MRC1: variants seen among roughly 807,000 people sequenced by gnomAD.
The protein encoded by MRC1 is macrophage mannose receptor 1.
Under a neutral mutation model 102.9 loss-of-function variants are expected in MRC1, and 62 were observed. That is an observed-to-expected ratio of 0.60 (90% CI 0.49 to 0.74). MRC1 has a LOEUF of 0.74. Among genes scored for constraint, MRC1 ranks in the 30% least tolerant of loss-of-function variants. The pLI, the probability that MRC1 is intolerant of heterozygous loss-of-function variation, is 0.00. For missense variants in MRC1, 1,237 were observed against 862.8 expected (o/e 1.43, Z -5.43); for synonymous variants, 457 against 298.4 (o/e 1.53, Z -5.48).
In MRC1 at chr10:17,833,753, C is replaced by T. The variant is rs782240669; in HGVS notation, c.716C>T (p.Thr239Met). ...SYQINSKSAL[T>M]WHQARKSCQQ... ...CAGATAAACTCCAAATCCGCTTTAA[C>T]GTGGCACCAGGCGAGGAAAAGCTGC... is the stretch of plus-strand genomic sequence containing the variant. The change falls in exon 4 of 30, where the codon ACG (threonine) becomes ATG (methionine). Residue 239 changes from threonine (T) to methionine (M), a missense_variant. Thr to Met is a moderately conservative substitution (Grantham distance 81, BLOSUM62 -1). Coordinates refer to ENST00000569591, the MANE Select transcript of MRC1 (RefSeq NM_002438.4). The T allele has an allele frequency of 2.3e-5, 18 of 780,954 alleles. No homozygotes were observed. Among genetic ancestry groups the T allele is most frequent in the Admixed American group, 1.4e-4 (8 of 59,014 alleles). The allele number at this position is 780,954 out of a possible 1,614,324, so 48.4% of individuals were successfully genotyped here.
chr10:17,863,857 A>G (rs1204923530), intron 11 of MRC1, among the ~76,000 whole-genome samples, 175 bp downstream of exon 11: 1 of 151,684 alleles, frequency 6.6e-6, no homozygotes, highest in East Asian at 1.9e-4. Context: ...TTCTTTTCTA[A>G]AAGTTTCCCA....
chr10:17,827,265 C>A (rs1838490257), intron 2 of MRC1, among the ~76,000 whole-genome samples: 1 of 150,348 alleles, frequency 6.7e-6, no homozygotes, highest in Non-Finnish European at 1.5e-5. Context: ...TGAAAATGTC[C>A]CAAAACGCAG....
intron 25 of MRC1, among the ~76,000 whole-genome samples, chr10:17,901,175 T>A (rs1833823943): frequency 6.6e-6 from 1 of 152,296 alleles, no homozygotes; most frequent in African/African-American, 2.4e-5. Context: ...CTTTTGATGT[T>A]GACAACACAT....
Position 17,849,575 on chromosome 10 carries a change from C to A in MRC1, c.1064-4C>A. 1 of 773,480 alleles carries A rather than the reference C, an allele frequency of 1.3e-6. No homozygotes were observed. The highest frequency in any genetic ancestry group is 2.4e-6 in the Non-Finnish European group (1 of 415,420). The allele number at this position is 773,480 out of a possible 1,614,324, so 47.9% of individuals were successfully genotyped here. The stretch of plus-strand genomic sequence containing the variant: ...TTTTTTCCGACCCCCCTTTTTGTTT[C>A]TAGAAAGTGATGTGCCTACTCACTG... On this transcript the variant is annotated splice_polypyrimidine_tract_variant and splice_region_variant and intron_variant, in intron 6 of 29. Coordinates refer to ENST00000569591, the MANE Select transcript of MRC1 (RefSeq NM_002438.4).
At chr10:17,879,675 G>A in intron 18 of MRC1, 46 bp from the exon 19 acceptor site, 1 of 780,800 alleles carries the variant, frequency 1.3e-6, no homozygotes, top group East Asian at 2.4e-5. Context: ...TATCCAATTA[G>A]TCTAATGATT....
At chr10:17,820,310 A>G (rs1027892324) in intron 1 of MRC1, among the ~76,000 whole-genome samples, 1 of 150,820 alleles carries the variant, frequency 6.6e-6, no homozygotes, top group East Asian at 1.9e-4. Flanking sequence ...ATCCAGGAAG[A>G]CTCCTAGGTT....
rs924136965 is a variant in MRC1, at chr10:17,884,867, T to C, written c.2981-402T>C. On this transcript the variant is annotated intron_variant, in intron 21 of 29. Transcript: ENST00000569591. ...TCTGGGTTAAGAGTCCTTTGTCCCATAGTTATTATATAAATCAGATTATCT... is the reference window on the plus strand; with the variant it reads ...TCTGGGTTAAGAGTCCTTTGTCCCACAGTTATTATATAAATCAGATTATCT... Among the ~76,000 whole-genome samples, 449 of 152,342 alleles carry C rather than the reference T, an allele frequency of 2.9e-3. 9 individuals carry two copies. The East Asian group carries it at 0.052, about 18-fold the overall frequency.
chr10:17,831,382 A>G (rs1268371311), intron 3 of MRC1, among the ~76,000 whole-genome samples: 5 of 151,466 alleles, frequency 3.3e-5, no homozygotes, highest in African/African-American at 1.2e-4. Flanking sequence ...TTATTTTTAT[A>G]TAAGCATATA....
intron 1 of MRC1, among the ~76,000 whole-genome samples, chr10:17,821,109 C>A (rs1554838245): frequency 6.6e-6 from 1 of 152,092 alleles, no homozygotes; most frequent in Admixed American, 6.5e-5. Context: ...TGGATCCAGG[C>A]TTTACTGAGT....
At chr10:17,868,471 C>G (rs1164723564) in intron 12 of MRC1, among the ~76,000 whole-genome samples, 1 of 152,208 alleles carries the variant, frequency 6.6e-6, no homozygotes, top group Non-Finnish European at 1.5e-5. Context: ...ATGCTCCAAT[C>G]ACTTCCCTCC....
chr10:17,812,336 G>A (rs1838236678), intron 1 of MRC1, among the ~76,000 whole-genome samples: 1 of 152,176 alleles, frequency 6.6e-6, no homozygotes, highest in Non-Finnish European at 1.5e-5. Flanking sequence ...ACAGAGGTTA[G>A]ACCACAGCAA....
intron 3 of MRC1, among the ~76,000 whole-genome samples, chr10:17,828,755 T>C (rs1838522697): frequency 6.6e-6 from 1 of 151,570 alleles, no homozygotes; most frequent in African/African-American, 2.4e-5. Flanking sequence ...TCAGGTTTTA[T>C]TGCAAGGATG....
intron 4 of MRC1, among the ~76,000 whole-genome samples, chr10:17,839,717 A>C (rs1196101382): frequency 6.6e-6 from 1 of 152,148 alleles, no homozygotes; most frequent in Non-Finnish European, 1.5e-5. Context: ...ATTGCTTTTG[A>C]TCAATTAAAA....
Position 17,856,431 on chromosome 10 carries a change from G to A in MRC1, c.1518+79G>A, listed in dbSNP as rs1338585653. On this transcript the variant is annotated intron_variant, in intron 9 of 29. Coordinates refer to ENST00000569591, the MANE Select transcript of MRC1 (RefSeq NM_002438.4). ...GTTGGCTTTATTTTTATGTGTGAAA[G>A]TGCCTTGTTATTGCAGTAGCCAAGG... 2.8e-5 allele frequency: 22 copies of A among 791,600 alleles called. No individual in the cohort carries two copies. The Admixed American group carries it at 4.2e-4, about 15-fold the overall frequency. 49.0% of individuals were successfully genotyped at this position (791,600 alleles called of 1,614,324 possible). A position where few individuals can be genotyped will look rare whatever the true frequency, so the allele number is the denominator to read the frequency against.
intron 15 of MRC1, among the ~76,000 whole-genome samples, chr10:17,872,637 G>A (rs1304892196): frequency 2.6e-5 from 4 of 152,076 alleles, no homozygotes; most frequent in Admixed American, 6.6e-5. Context: ...CAAACAATAC[G>A]CATGCTGACA....
Position 17,907,015 on chromosome 10 carries a change from T to A in MRC1, c.3913+16T>A. 1 of 780,458 alleles carries A rather than the reference T, an allele frequency of 1.3e-6. No homozygotes were observed. The highest frequency in any genetic ancestry group is 2.4e-5 in the East Asian group (1 of 41,198). The allele number at this position is 780,458 out of a possible 1,614,324, so 48.3% of individuals were successfully genotyped here. A position where few individuals can be genotyped will look rare whatever the true frequency, so the allele number is the denominator to read the frequency against. On this transcript the variant is annotated intron_variant, in intron 27 of 29. Transcript: ENST00000569591. Reference sequence around the variant, plus strand: ...AATGTTGAAGGTAATTTTTGCAGCATGCTTATTTAATCACAAATATTGTAA... The same window carrying A: ...AATGTTGAAGGTAATTTTTGCAGCAAGCTTATTTAATCACAAATATTGTAA...
chr10:17,881,004 G>A (rs1310705706), intron 20 of MRC1, 63 bp from the exon 21 acceptor site: 3 of 777,806 alleles, frequency 3.9e-6, no homozygotes, highest in African/African-American at 3.4e-5. Context: ...GTAGAGCAAA[G>A]TTGATCATCT....
chr10:17,899,693 C>A (rs1192615584), intron 24 of MRC1, among the ~76,000 whole-genome samples: 1 of 151,950 alleles, frequency 6.6e-6, no homozygotes, highest in Non-Finnish European at 1.5e-5. Context: ...TTAAACAATA[C>A]CTGTAAAATC....
intron 4 of MRC1, among the ~76,000 whole-genome samples, chr10:17,835,028 A>T (rs1300764160): frequency 6.6e-6 from 1 of 152,202 alleles, no homozygotes; most frequent in East Asian, 1.9e-4. Flanking sequence ...TTTGCCTGAC[A>T]TTCAAGATTG....
Sources: allele counts gnomAD v4.1 joint callset (sites outside exome capture counted in the v4.1 genomes callset), GRCh38; gene constraint gnomAD v4.1.1; transcripts MANE v1.5; gene names NCBI Gene and HGNC (gene_info 2026-07-23, HGNC 2026-07-21).